KLHL29: variants seen among roughly 807,000 people sequenced by gnomAD.
KLHL29 encodes kelch like family member 29.
Under a neutral mutation model 80.4 loss-of-function variants are expected in KLHL29, and 21 were observed. That is an observed-to-expected ratio of 0.26 (90% CI 0.19 to 0.38). The LOEUF (loss-of-function observed/expected upper bound fraction) is 0.38, where lower values mean the gene tolerates loss of function less well. KLHL29 is among the 10% of genes least tolerant of loss of function. KLHL29 has a pLI of 1.00. For synonymous variants in KLHL29, 511 were observed against 526.8 expected, an observed-to-expected ratio of 0.97 and a Z score of 0.41; for missense variants, 867 against 1,223.9, an observed-to-expected ratio of 0.71 and a Z score of 4.35.
intron 2 of KLHL29, among the ~76,000 whole-genome samples, chr2:23,488,707 A>T (rs537097666): frequency 6.6e-6 from 1 of 152,310 alleles, no homozygotes; most frequent in African/African-American, 2.4e-5. Context: ...CAAGTGTAGG[A>T]GCAGGGAGTG....
rs138999827 is a variant in KLHL29 at position 23,565,663 on chromosome 2, T to C, written c.285+3182T>C. 1.7e-3 allele frequency among the ~76,000 whole-genome samples: 254 copies of C among 147,838 alleles called. 1 individual carries two copies. The highest frequency in any genetic ancestry group is 6.1e-3 in the African/African-American group (244 of 40,182). Reference sequence around the variant, plus strand: ...GGAAACAGCTGAAACTGCACTCCAGTGGATGGTGGGGTGGGTGGGCGAGGT... The same window carrying C: ...GGAAACAGCTGAAACTGCACTCCAGCGGATGGTGGGGTGGGTGGGCGAGGT... On this transcript the variant is annotated intron_variant, in intron 3 of 13. Coordinates refer to ENST00000486442, the MANE Select transcript of KLHL29 (RefSeq NM_052920.2).
At chr2:23,567,867 C>G (rs954335464) in intron 3 of KLHL29, among the ~76,000 whole-genome samples, 3 of 152,212 alleles carry the variant, frequency 2.0e-5, no homozygotes, top group African/African-American at 7.2e-5. Context: ...TCTCCATGAA[C>G]AAGAACTGTG....
chr2:23,476,823 C>T lies in KLHL29; in HGVS notation c.-46+1156C>T, dbSNP rs577321455. 3.3e-5 allele frequency among the ~76,000 whole-genome samples: 5 copies of T among 152,362 alleles called. No individual in the cohort carries two copies. The South Asian group carries it at 1.0e-3, about 32-fold the overall frequency. Reference sequence around the variant, plus strand: ...CAGGCAGCCAGAAATGCCGGGGAACCTGGCCTGCCTTGGGAGGGCACAATC... The same window carrying T: ...CAGGCAGCCAGAAATGCCGGGGAACTTGGCCTGCCTTGGGAGGGCACAATC... On this transcript the variant is annotated intron_variant, in intron 2 of 13. Transcript: ENST00000486442.
intron 2 of KLHL29, among the ~76,000 whole-genome samples, chr2:23,502,423 T>C (rs1399209297): frequency 6.6e-6 from 1 of 151,410 alleles, no homozygotes; most frequent in Non-Finnish European, 1.5e-5. Context: ...CGGGAGGGAG[T>C]CGGGTGTTTC....
chr2:23,605,128 T>TTTC (rs1377922097), intron 3 of KLHL29, among the ~76,000 whole-genome samples: 2 of 148,932 alleles, frequency 1.3e-5, no homozygotes, highest in Non-Finnish European at 3.0e-5. Context: ...TTTTTTTTTT[T>TTTC]TGGAGACAGG....
At chr2:23,386,317 G>A (rs1464150516) in intron 1 of KLHL29, among the ~76,000 whole-genome samples, 1 of 152,158 alleles carries the variant, frequency 6.6e-6, no homozygotes, top group Non-Finnish European at 1.5e-5. Flanking sequence ...CTCTGATCTC[G>A]CATTTGGGGA....
intron 3 of KLHL29, among the ~76,000 whole-genome samples, chr2:23,570,488 G>C (rs146851981): frequency 2.0e-4 from 31 of 152,256 alleles, no homozygotes; most frequent in African/African-American, 6.7e-4. Flanking sequence ...GCTCCCCAAG[G>C]CTCCAGTTAA....
chr2:23,622,956 C>G (rs1320725594), intron 3 of KLHL29, among the ~76,000 whole-genome samples: 1 of 152,218 alleles, frequency 6.6e-6, no homozygotes, highest in East Asian at 1.9e-4. Flanking sequence ...TTGAACCAGG[C>G]AGCTGGGCTC....
intron 1 of KLHL29, among the ~76,000 whole-genome samples, chr2:23,395,756 G>GAAA (rs200288530): frequency 3.1e-5 from 4 of 130,070 alleles, no homozygotes; most frequent in Non-Finnish European, 5.2e-5. Context: ...AAAAAGGAAA[G>GAAA]AAAAAAAAAA....
intron 5 of KLHL29, among the ~76,000 whole-genome samples, chr2:23,648,791 G>A (rs1670008184): frequency 6.6e-6 from 1 of 152,204 alleles, no homozygotes; most frequent in African/African-American, 2.4e-5. Context: ...TGATTGTGAG[G>A]ATGTGGCTTG....
At chr2:23,490,075 G>A (rs964420090) in intron 2 of KLHL29, among the ~76,000 whole-genome samples, 2 of 152,238 alleles carry the variant, frequency 1.3e-5, no homozygotes, top group South Asian at 2.1e-4. Flanking sequence ...GCGCACTGGG[G>A]GAGCCTCCGT....
intron 1 of KLHL29, among the ~76,000 whole-genome samples, chr2:23,447,689 C>T (rs1329499169): frequency 6.6e-6 from 1 of 152,170 alleles, no homozygotes; most frequent in East Asian, 1.9e-4. Context: ...GGGCCCATAT[C>T]CCTTAGCCAA....
intron 1 of KLHL29, among the ~76,000 whole-genome samples, chr2:23,426,171 G>A (rs1662999379): frequency 6.6e-6 from 1 of 152,062 alleles, no homozygotes; most frequent in Non-Finnish European, 1.5e-5. Flanking sequence ...GGATGAGTAG[G>A]GCAGAGGGTT....
At chr2:23,398,829 A>T (rs1027773429) in intron 1 of KLHL29, among the ~76,000 whole-genome samples, 1 of 152,156 alleles carries the variant, frequency 6.6e-6, no homozygotes, top group African/African-American at 2.4e-5. Context: ...TTCACATACC[A>T]TAATGACACT....
intron 1 of KLHL29, among the ~76,000 whole-genome samples, chr2:23,455,886 C>T (rs1440989512): frequency 6.6e-6 from 1 of 151,940 alleles, no homozygotes; most frequent in Non-Finnish European, 1.5e-5. Flanking sequence ...GACATAGGGC[C>T]TTTAAAGGGG....
chr2:23,443,209 A>G (rs1290092041), intron 1 of KLHL29, among the ~76,000 whole-genome samples: 1 of 152,184 alleles, frequency 6.6e-6, no homozygotes, highest in East Asian at 1.9e-4. Context: ...ATATCTATGT[A>G]TATTTTTTGC....
intron 2 of KLHL29, among the ~76,000 whole-genome samples, chr2:23,527,323 C>A (rs1226534648): frequency 2.0e-5 from 3 of 152,216 alleles, no homozygotes; most frequent in East Asian, 3.9e-4. Context: ...AATCACGCCC[C>A]CCAGCCACCC....
chr2:23,706,590 C>T lies in KLHL29; in HGVS notation c.2554C>T (p.Leu852Phe), dbSNP rs367680079. The T allele has an allele frequency of 1.1e-5, 17 of 1,537,044 alleles. No individual in the cohort carries two copies. The highest frequency in any genetic ancestry group is 4.1e-5 in the African/African-American group (3 of 73,038). ...AYEPTTNTWT[L>F]LPHMPCPVFR... is the part of the protein sequence containing the mutation. ...CGAGCCCACAACCAACACATGGACC[C>T]TCCTCCCCCACATGCCCTGCCCTGT... The change falls in exon 14 of 14, where the codon CTC (leucine) becomes TTC (phenylalanine). Residue 852 changes from leucine (L) to phenylalanine (F), a missense_variant. By Grantham distance (22) the Leu-to-Phe change is conservative. Around this residue, in one of 2 missense-constraint regions of KLHL29, gnomAD observed 443 missense variants for 767.0 expected, o/e 0.58. Transcript: ENST00000486442.
chr2:23,471,925 G>A (rs922142067), intron 1 of KLHL29, among the ~76,000 whole-genome samples: 2 of 152,160 alleles, frequency 1.3e-5, no homozygotes, highest in Non-Finnish European at 2.9e-5. Flanking sequence ...TTGGTTTCTA[G>A]TAATTTATTT....
Sources: gnomAD v4.1 joint callset for allele counts (sites outside exome capture counted in the v4.1 genomes callset) on GRCh38, gnomAD v4.1.1 for gene constraint, gnomAD v4.1.1 regional missense constraint, MANE v1.5 for transcripts, NCBI Gene and HGNC (gene_info 2026-07-23, HGNC 2026-07-21) for gene names.